SPON2: variants seen among roughly 807,000 people sequenced by gnomAD.
SPON2 encodes the protein spondin-2.
Under a neutral mutation model 29.9 loss-of-function variants are expected in SPON2, and 32 were observed. The ratio of observed to expected loss-of-function variants is 1.07; its 90% CI spans 0.81 to 1.44. The LOEUF (loss-of-function observed/expected upper bound fraction) is 1.44, where lower values mean the gene tolerates loss of function less well. SPON2 is among the 40% of genes most tolerant of loss of function. SPON2 has a pLI of 0.00. For missense variants in SPON2, 541 were observed against 455.5 expected, an observed-to-expected ratio of 1.19 and a Z score of -1.71; for synonymous variants, 248 against 209.1, an observed-to-expected ratio of 1.19 and a Z score of -1.61.
At chr4:1,201,922 C>T (rs1304723857) in intron 1 of SPON2, among the ~76,000 whole-genome samples, 1 of 152,180 alleles carries the variant, frequency 6.6e-6, no homozygotes. Flanking sequence ...CAGTGCTTCA[C>T]CTGGCTCCCG....
In SPON2 at chr4:1,170,403, T is replaced by C; in HGVS notation, c.810A>G (p.Ser270=). ...SRDNEIVDSA[S]VPETPLDCEV... is the part of the protein sequence containing the mutation. Reference sequence around the variant, plus strand: ...CCATGTGACCTGTATGTCCGTTACCTGAGGCGCTGTCTACAATCTCATTGT... The same window carrying C: ...CCATGTGACCTGTATGTCCGTTACCCGAGGCGCTGTCTACAATCTCATTGT... Residue 270 remains serine, a splice_region_variant and synonymous_variant, in exon 5 of 6, where the codon TCA becomes TCG. Transcript: ENST00000290902. 6.2e-7 allele frequency: 1 copy of C among 1,612,494 alleles called. No individual in the cohort carries two copies.
intron 2 of SPON2, 58 bp from the exon 3 acceptor site, chr4:1,171,544 A>C: frequency 1.3e-6 from 2 of 1,541,398 alleles, no homozygotes; most frequent in Non-Finnish European, 1.8e-6. Context: ...TCGGGCTTGG[A>C]TTCCAGGGGG....
At chr4:1,181,716 G>C (rs567406021) in intron 1 of SPON2, among the ~76,000 whole-genome samples, 5 of 152,318 alleles carry the variant, frequency 3.3e-5, no homozygotes, top group African/African-American at 1.2e-4. Flanking sequence ...ACATGTTCCT[G>C]TAGCAGTTTA....
chr4:1,198,047 C>CAAA (rs71640383), upstream of SPON2, among the ~76,000 whole-genome samples: 206 of 137,638 alleles, frequency 1.5e-3, 1 homozygote, highest in Admixed American at 2.7e-3. Context: ...GACTCTGTTT[C>CAAA]AAAAAAAAAA....
Position 1,172,041 on chromosome 4 carries a change from C to G in SPON2, c.31G>C (p.Gly11Arg), listed in dbSNP as rs1375311208. Residue 11 changes from glycine (G) to arginine (R), a missense_variant, in exon 2 of 6, where the codon GGC becomes CGC. Gly to Arg is a moderately radical substitution (Grantham distance 125, BLOSUM62 -2). Transcript: ENST00000290902. MENPSPAAAL[G>R]KALCALLLAT... ...AGGAGGAGAGCGCAGAGGGCCTTGCCCAGGGCGGCGGCCGGGCTGGGGTTT... is the reference window on the plus strand; with the variant it reads ...AGGAGGAGAGCGCAGAGGGCCTTGCGCAGGGCGGCGGCCGGGCTGGGGTTT... The G allele has an allele frequency of 6.2e-7, 1 of 1,612,100 alleles. No individual in the cohort carries two copies. Among genetic ancestry groups the G allele is most frequent in the Non-Finnish European group, 8.5e-7 (1 of 1,179,740 alleles).
chr4:1,179,609 G>A (rs1727670313), intron 1 of SPON2: 1 of 152,196 alleles, frequency 6.6e-6, no homozygotes, highest in South Asian at 2.1e-4. Context: ...AGCAATCTAT[G>A]TAGGGTTATT....
chr4:1,186,098 G>A (rs1727795852), intron 1 of SPON2, among the ~76,000 whole-genome samples: 2 of 147,942 alleles, frequency 1.4e-5, no homozygotes, highest in Non-Finnish European at 3.0e-5. Flanking sequence ...CAAAAAATTA[G>A]CCGGGCGTGG....
chr4:1,191,449 CA>C (rs1305215078), intron 1 of SPON2, among the ~76,000 whole-genome samples: 2 of 152,136 alleles, frequency 1.3e-5, no homozygotes, highest in Admixed American at 6.5e-5. Context: ...ACACCATATA[CA>C]AAAAAATTAA....
intron 2 of SPON2, among the ~76,000 whole-genome samples, chr4:1,179,119 T>TG (rs1727660150): frequency 6.6e-6 from 1 of 152,178 alleles, no homozygotes; most frequent in Admixed American, 6.5e-5. Flanking sequence ...GCCCACACAG[T>TG]GCTCATCCCC....
chr4:1,172,209 G>T (rs1727483122), intron 1 of SPON2, 135 bp from the exon 2 acceptor site: 1 of 748,938 alleles, frequency 1.3e-6, no homozygotes, highest in Non-Finnish European at 2.1e-6. Flanking sequence ...GCTCCGCAAA[G>T]CTCTCCTGCG....
In SPON2 at chr4:1,193,742, C is replaced by T. The variant is rs781217429; in HGVS notation, c.-239+1248G>A. ...AAGGACATGGGCGGTGTGGGAAGGA[C>T]GTGGGGGGTGGTGTGGGAAGGACGT... is the stretch of plus-strand genomic sequence containing the variant. On this transcript the variant is annotated intron_variant, in intron 1 of 3. Transcript: ENST00000502483. Among the ~76,000 whole-genome samples the T allele has an allele frequency of 3.3e-4, 10 of 30,416 alleles. 1 individual carries two copies. Among genetic ancestry groups the T allele is most frequent in the African/African-American group, 3.0e-3 (8 of 2,644 alleles). The allele number at this position is 30,416 out of a possible 152,430, so 20.0% of individuals were successfully genotyped here. A position where few individuals can be genotyped will look rare whatever the true frequency, so the allele number is the denominator to read the frequency against.
At chr4:1,168,484 G>A (rs939496800) in intron 5 of SPON2, among the ~76,000 whole-genome samples, 1 of 152,256 alleles carries the variant, frequency 6.6e-6, no homozygotes, top group Non-Finnish European at 1.5e-5. Flanking sequence ...GGACTGGTCT[G>A]GAAGCCCTGG....
At chr4:1,178,921 G>A (rs556160273) in intron 2 of SPON2, among the ~76,000 whole-genome samples, 43 of 152,248 alleles carry the variant, frequency 2.8e-4, no homozygotes, top group African/African-American at 9.1e-4. Context: ...AGATGGCCAC[G>A]TGCTCCTGTG....
At chr4:1,171,705 C>G in intron 2 of SPON2, 147 bp downstream of exon 2, 4 of 782,730 alleles carry the variant, frequency 5.1e-6, no homozygotes, top group Non-Finnish European at 8.3e-6. Flanking sequence ...AACCGCACAC[C>G]GCAGGCGCTC....
intron 1 of SPON2, among the ~76,000 whole-genome samples, chr4:1,200,333 G>T (rs1728166961): frequency 1.3e-5 from 2 of 151,754 alleles, no homozygotes; most frequent in African/African-American, 4.8e-5. Context: ...CGGAGTCCAG[G>T]ACCCAGAGAA....
At chr4:1,180,732 T>G (rs1180069172) in intron 1 of SPON2, among the ~76,000 whole-genome samples, 1 of 152,180 alleles carries the variant, frequency 6.6e-6, no homozygotes, top group African/African-American at 2.4e-5. Context: ...AAAAGTACAA[T>G]AACTGAATTT....
chr4:1,200,078 C>A (rs1728159427), upstream of SPON2: 2 of 152,390 alleles, frequency 1.3e-5, no homozygotes, highest in South Asian at 4.1e-4. Context: ...AGCTTGGACC[C>A]AGGCTCCAAT....
intron 1 of SPON2, among the ~76,000 whole-genome samples, chr4:1,200,402 G>A (rs1221304123): frequency 6.6e-6 from 1 of 152,180 alleles, no homozygotes. Context: ...GGGAGCAAGT[G>A]GAGGGAGGAA....
intron 1 of SPON2, among the ~76,000 whole-genome samples, chr4:1,203,618 C>T (rs894933673): frequency 3.9e-5 from 6 of 152,226 alleles, no homozygotes; most frequent in Admixed American, 1.3e-4. Context: ...GGGACGTGTA[C>T]CCAGGAGTGG....
Sources: gnomAD v4.1 joint callset for allele counts (sites outside exome capture counted in the v4.1 genomes callset) on GRCh38, gnomAD v4.1.1 for gene constraint, MANE v1.5 for transcripts, NCBI Gene and HGNC (gene_info 2026-07-23, HGNC 2026-07-21) for gene names.